Variants in ZGPAT observed in about 807,000 individuals in gnomAD.
The protein encoded by ZGPAT is zinc finger CCCH-type with G patch domain-containing protein.
In ZGPAT, 39 loss-of-function variants were observed where a neutral mutation model predicts 47.9. That is an observed-to-expected ratio of 0.81 (90% CI 0.63 to 1.06). The LOEUF is 1.06. Among genes scored for constraint, ZGPAT ranks in the 50% least tolerant of loss-of-function variants. ZGPAT has a pLI of 0.00. For missense variants in ZGPAT, 717 were observed against 681.4 expected, an observed-to-expected ratio of 1.05 and a Z score of -0.58; for synonymous variants, 348 against 292.9, an observed-to-expected ratio of 1.19 and a Z score of -1.92.
chr20:63,722,985 G>T (rs1017564199), intron 2 of ZGPAT, among the ~76,000 whole-genome samples: 1 of 152,124 alleles, frequency 6.6e-6, no homozygotes, highest in African/African-American at 2.4e-5. Context: ...CTATGACATA[G>T]TTCCCCCTCC....
At chr20:63,708,274 C>G (rs1003789460) in intron 1 of ZGPAT, 156 bp downstream of exon 1, 1 of 180,890 alleles carries the variant, frequency 5.5e-6, no homozygotes. Flanking sequence ...AGGCGGCGGG[C>G]GCGGCGGGTG....
At chr20:63,733,833 A>G in intron 4 of ZGPAT, 94 bp downstream of exon 4, 1 of 1,500,916 alleles carries the variant, frequency 6.7e-7, no homozygotes, top group Non-Finnish European at 8.9e-7. Flanking sequence ...TAACCAAACT[A>G]TTGGAGAGTG....
At chr20:63,715,831 T>TAC (rs2091722268) in intron 2 of ZGPAT, among the ~76,000 whole-genome samples, 1 of 138,666 alleles carries the variant, frequency 7.2e-6, no homozygotes, top group Admixed American at 7.3e-5. Context: ...TACAATCATA[T>TAC]ATAGAGAGAG....
chr20:63,713,912 A>C (rs2091698590), intron 2 of ZGPAT, among the ~76,000 whole-genome samples: 1 of 151,256 alleles, frequency 6.6e-6, no homozygotes, highest in Non-Finnish European at 1.5e-5. Context: ...TTTTTATGTT[A>C]ATCCTGTATT....
chr20:63,724,223 G>A (rs956642653), intron 2 of ZGPAT, among the ~76,000 whole-genome samples: 13 of 152,076 alleles, frequency 8.5e-5, no homozygotes, highest in African/African-American at 2.4e-4. Context: ...AAAAGTAGCC[G>A]GGTGTGGTGG....
intron 2 of ZGPAT, among the ~76,000 whole-genome samples, chr20:63,711,928 T>C (rs931204366): frequency 6.6e-6 from 1 of 152,246 alleles, no homozygotes; most frequent in Non-Finnish European, 1.5e-5. Context: ...TTATGAAGTA[T>C]ATAGTTTGCA....
chr20:63,732,798 A>C (rs2091931007), intron 2 of ZGPAT, among the ~76,000 whole-genome samples: 1 of 145,126 alleles, frequency 6.9e-6, no homozygotes, highest in African/African-American at 2.5e-5. Flanking sequence ...ATGTGAGTGC[A>C]TGTTTATGCG....
chr20:63,732,807 CGTGT>C (rs952132381), intron 2 of ZGPAT, among the ~76,000 whole-genome samples: 19 of 141,466 alleles, frequency 1.3e-4, no homozygotes, highest in African/African-American at 4.5e-4. Flanking sequence ...CATGTTTATG[CGTGT>C]GTATGTGTAC....
intron 4 of ZGPAT, chr20:63,734,121 G>C (rs1300113090): frequency 3.4e-6 from 1 of 294,852 alleles, no homozygotes; most frequent in East Asian, 8.7e-5. Context: ...CTGGCAGACA[G>C]AGGTTGTGTC....
At chr20:63,711,964 G>A (rs2091673553) in intron 2 of ZGPAT, among the ~76,000 whole-genome samples, 1 of 152,152 alleles carries the variant, frequency 6.6e-6, no homozygotes, top group Admixed American at 6.6e-5. Flanking sequence ...TGTTTGGGTT[G>A]TCTTTTCACT....
At chr20:63,719,718 T>A (rs1185852247) in intron 2 of ZGPAT, among the ~76,000 whole-genome samples, 2 of 151,538 alleles carry the variant, frequency 1.3e-5, no homozygotes, top group Admixed American at 6.6e-5. Flanking sequence ...CCTTTATTTT[T>A]AAATTTCTTT....
In ZGPAT at chr20:63,721,038, C is replaced by G. The variant is rs1017495203; in HGVS notation, c.584+11874C>G. Among the ~76,000 whole-genome samples the G allele has an allele frequency of 3.3e-5, 5 of 151,852 alleles. No homozygotes were observed. The East Asian group carries it at 7.8e-4, about 24-fold the overall frequency. On this transcript the variant is annotated intron_variant, in intron 2 of 6. Coordinates refer to ENST00000355969, the MANE Select transcript of ZGPAT (RefSeq NM_181485.3). Reference sequence around the variant, plus strand: ...TTAGCTTGTGCTTTGAAAGAGATTTCTTTAAATATCTAGTGGCAAAAAGGA... The same window carrying G: ...TTAGCTTGTGCTTTGAAAGAGATTTGTTTAAATATCTAGTGGCAAAAAGGA...
chr20:63,721,035 T>C (rs2091781727), intron 2 of ZGPAT, among the ~76,000 whole-genome samples: 1 of 151,922 alleles, frequency 6.6e-6, no homozygotes, highest in South Asian at 2.1e-4. Flanking sequence ...TTGAAAGAGA[T>C]TTCTTTAAAT....
Position 63,735,456 on chromosome 20 carries a change from G to C in ZGPAT, c.1289G>C (p.Ser430Thr). ...AAGGACATGTACCATGCCAGCAAGAGTGCCAAGCGGGCCCTGAGCCTGCGG... is the reference window on the plus strand; with the variant it reads ...AAGGACATGTACCATGCCAGCAAGACTGCCAAGCGGGCCCTGAGCCTGCGG... ...RSKDMYHASK[S>T]AKRALSLRLF... Residue 430 changes from serine to threonine, a missense_variant, in exon 6 of 7, where the codon AGT (serine) becomes ACT (threonine). Coordinates refer to ENST00000355969, the MANE Select transcript of ZGPAT (RefSeq NM_181485.3). 1 of 1,567,016 alleles carries C rather than the reference G, an allele frequency of 6.4e-7. No individual in the cohort carries two copies. Among genetic ancestry groups the C allele is most frequent in the South Asian group, 1.2e-5 (1 of 83,324 alleles).
rs780210008 is a variant in ZGPAT at position 63,733,294 on chromosome 20, C to T, written c.660C>T (p.Ala220=). The T allele has an allele frequency of 1.6e-5, 26 of 1,613,474 alleles. No individual in the cohort carries two copies. The highest frequency in any genetic ancestry group is 6.7e-5 in the East Asian group (3 of 44,892). The change falls in exon 3 of 7, where the codon GCC becomes GCT. Residue 220 remains alanine, a synonymous_variant. Coordinates refer to ENST00000355969, the MANE Select transcript of ZGPAT (RefSeq NM_181485.3). ...FQDPDLSSLQ[A]GSACLAKHQD... is the part of the protein sequence containing the mutation. ...ACCCAGACCTGAGCTCCCTGCAGGC[C>T]GGCTCTGCGTGTCTGGCCAAGCACC... is the stretch of plus-strand genomic sequence containing the variant.
At chr20:63,734,381 G>A in intron 4 of ZGPAT, 1 of 419,948 alleles carries the variant, frequency 2.4e-6, no homozygotes, top group Non-Finnish European at 4.3e-6. Flanking sequence ...GGCAGGTGAG[G>A]CGCTCACAGC....
At chr20:63,735,708 G>A in intron 6 of ZGPAT, 73 bp from the exon 7 acceptor site, 13 of 1,544,310 alleles carry the variant, frequency 8.4e-6, no homozygotes, top group Non-Finnish European at 1.1e-5. Context: ...CGGGCACACA[G>A]GCAGTGGGTA....
intron 5 of ZGPAT, 150 bp from the exon 6 acceptor site, chr20:63,735,009 C>G: frequency 7.4e-7 from 1 of 1,345,948 alleles, no homozygotes; most frequent in Non-Finnish European, 9.8e-7. Context: ...CCCCGTGCTC[C>G]TCAGATTCCC....
At chr20:63,708,223 G>A (rs2091590306) in intron 1 of ZGPAT, 105 bp downstream of exon 1, 2 of 157,798 alleles carry the variant, frequency 1.3e-5, no homozygotes, top group Non-Finnish European at 2.8e-5. Context: ...GCCCTGGCCA[G>A]ACAGAAGAGA....
Sources: allele counts gnomAD v4.1 joint callset (sites outside exome capture counted in the v4.1 genomes callset), GRCh38; gene constraint gnomAD v4.1.1; transcripts MANE v1.5; gene names NCBI Gene and HGNC (gene_info 2026-07-23, HGNC 2026-07-21).